TRPC4: variants seen among roughly 807,000 people sequenced by gnomAD.
TRPC4 encodes transient receptor potential cation channel subfamily C member 4.
In TRPC4, 49 loss-of-function variants were observed where a neutral mutation model predicts 99.4. The observed-to-expected ratio is 0.49, with a 90% CI of 0.39 to 0.63. The LOEUF is 0.63. Ranked by LOEUF, TRPC4 falls within the 20% of genes least tolerant of loss-of-function variation. TRPC4 has a pLI of 0.00. For synonymous variants in TRPC4, 454 were observed against 425.9 expected, an observed-to-expected ratio of 1.07 and a Z score of -0.81; for missense variants, 898 against 1,152.9, an observed-to-expected ratio of 0.78 and a Z score of 3.20.
Position 37,637,606 on chromosome 13 carries a change from G to C in TRPC4, c.2231C>G (p.Ser744Cys), listed in dbSNP as rs1392188955. 1 of 1,591,008 alleles carries C rather than the reference G, an allele frequency of 6.3e-7. No homozygotes were observed. Among genetic ancestry groups the C allele is most frequent in the African/African-American group, 1.4e-5 (1 of 73,430 alleles). ...ENFKELKQDI[S>C]SFRFEVLGLL... ...TCCCAGGACTTCAAAGCGGAAACTA[G>C]AAATGTCTTGCTTTAGTTCCTACGT... The change falls in exon 11 of 11, where the codon TCT (serine) becomes TGT (cysteine). Residue 744 changes from serine (S) to cysteine (C), a missense_variant. This residue lies in a region of TRPC4 where 346 missense variants were observed against 351.4 expected (regional missense o/e 0.98). Transcript: ENST00000379705.
chr13:37,652,324 T>C lies in TRPC4; in HGVS notation c.1885-865A>G, dbSNP rs117413154. On this transcript the variant is annotated intron_variant, in intron 7 of 10. Coordinates refer to ENST00000379705, the MANE Select transcript of TRPC4 (RefSeq NM_016179.4). Reference sequence around the variant, plus strand: ...AGTTAATATCATAAACACGAACTCATATTTTAGAGTAGGAGAATAATCTTC... The same window carrying C: ...AGTTAATATCATAAACACGAACTCACATTTTAGAGTAGGAGAATAATCTTC... Among the ~76,000 whole-genome samples, 471 of 152,346 alleles carry C rather than the reference T, an allele frequency of 3.1e-3. 8 individuals are homozygous for C. Among genetic ancestry groups the C allele is most frequent in the Middle Eastern group, 0.014 (4 of 294 alleles).
At chr13:37,779,937 T>G (rs983475317) in intron 2 of TRPC4, among the ~76,000 whole-genome samples, 1 of 152,122 alleles carries the variant, frequency 6.6e-6, no homozygotes, top group Non-Finnish European at 1.5e-5. Flanking sequence ...ATGATTTAAC[T>G]TCATCATTTT....
intron 3 of TRPC4, among the ~76,000 whole-genome samples, chr13:37,703,716 C>T (rs993865066): frequency 1.3e-5 from 2 of 152,060 alleles, no homozygotes; most frequent in African/African-American, 4.8e-5. Flanking sequence ...GACACTTAAA[C>T]TTTCATACAT....
intron 1 of TRPC4, among the ~76,000 whole-genome samples, chr13:37,793,365 C>T (rs1046631098): frequency 2.6e-5 from 4 of 151,834 alleles, no homozygotes; most frequent in African/African-American, 7.3e-5. Flanking sequence ...ATACATGTGC[C>T]ATGTTGGTGT....
At chr13:37,653,104 C>T (rs1411539395) in intron 7 of TRPC4, among the ~76,000 whole-genome samples, 1 of 152,164 alleles carries the variant, frequency 6.6e-6, no homozygotes, top group Non-Finnish European at 1.5e-5. Flanking sequence ...CTCTTCCATA[C>T]TTTCATGACA....
intron 1 of TRPC4, among the ~76,000 whole-genome samples, chr13:37,827,068 C>T (rs1958249502): frequency 6.6e-6 from 1 of 152,128 alleles, no homozygotes; most frequent in South Asian, 2.1e-4. Context: ...ATCGCATCGG[C>T]TCCTGAGGCT....
chr13:37,725,987 G>A (rs1356150871), intron 3 of TRPC4, among the ~76,000 whole-genome samples: 1 of 152,042 alleles, frequency 6.6e-6, no homozygotes, highest in Non-Finnish European at 1.5e-5. Context: ...CACAAGGTCA[G>A]GAGTTGGAGA....
chr13:37,659,022 A>G (rs1387026594), intron 6 of TRPC4, among the ~76,000 whole-genome samples: 1 of 152,222 alleles, frequency 6.6e-6, no homozygotes, highest in Non-Finnish European at 1.5e-5. Flanking sequence ...ATTTGTATTT[A>G]TAATCCATCA....
intron 3 of TRPC4, among the ~76,000 whole-genome samples, chr13:37,708,598 T>A (rs1320061061): frequency 6.6e-6 from 1 of 151,554 alleles, no homozygotes; most frequent in Non-Finnish European, 1.5e-5. Flanking sequence ...CAATAGGGAA[T>A]GTTTTCATAT....
intron 1 of TRPC4, among the ~76,000 whole-genome samples, chr13:37,787,113 T>C (rs1348199761): frequency 2.0e-5 from 3 of 152,008 alleles, no homozygotes; most frequent in Non-Finnish European, 2.9e-5. Flanking sequence ...GAACAGTGAA[T>C]TTGAGTTCCA....
intron 3 of TRPC4, among the ~76,000 whole-genome samples, chr13:37,743,679 T>C (rs970103233): frequency 2.0e-5 from 3 of 152,136 alleles, no homozygotes; most frequent in South Asian, 2.1e-4. Flanking sequence ...TTAAGGAAAT[T>C]AATGCATGAC....
chr13:37,646,359 TA>T (rs1384271714), intron 8 of TRPC4, among the ~76,000 whole-genome samples: 4 of 152,072 alleles, frequency 2.6e-5, no homozygotes, highest in Non-Finnish European at 5.9e-5. Context: ...AAAGAACTAG[TA>T]TTTTTTTTTG....
At chr13:37,850,609 T>C (rs1183666877) in intron 1 of TRPC4, among the ~76,000 whole-genome samples, 2 of 152,208 alleles carry the variant, frequency 1.3e-5, no homozygotes, top group Non-Finnish European at 2.9e-5. Context: ...ACATTTTGAC[T>C]AAATGTTTCA....
intron 4 of TRPC4, among the ~76,000 whole-genome samples, chr13:37,686,493 CTA>C (rs1953486613): frequency 6.6e-6 from 1 of 151,894 alleles, no homozygotes; most frequent in Admixed American, 6.6e-5. Context: ...TTATTTGACT[CTA>C]TGAATATTTA....
chr13:37,783,153 T>A lies in TRPC4; in HGVS notation c.181A>T (p.Ile61Phe). 1 of 1,613,546 alleles carries A rather than the reference T, an allele frequency of 6.2e-7. No individual in the cohort carries two copies. Among genetic ancestry groups the A allele is most frequent in the Middle Eastern group, 1.7e-4 (1 of 6,050 alleles). The change falls in exon 2 of 11, where the codon ATC becomes TTC. Residue 61 changes from isoleucine (I) to phenylalanine (F), a missense_variant. This residue lies in a region of TRPC4 where 278 missense variants were observed against 346.6 expected (regional missense o/e 0.80). Coordinates refer to ENST00000379705, the MANE Select transcript of TRPC4 (RefSeq NM_016179.4). The stretch of plus-strand genomic sequence containing the variant: ...AGAGGATCAATGCAATTAATATTGA[T>A]TTTAAAATAAATTTCAGCTTCCTCT... ...SLEEAEIYFK[I>F]NINCIDPLGR...
intron 2 of TRPC4, among the ~76,000 whole-genome samples, chr13:37,759,440 C>T (rs1956170908): frequency 6.6e-6 from 1 of 151,722 alleles, no homozygotes; most frequent in Admixed American, 6.6e-5. Context: ...GGATACCATA[C>T]ATACATAAAG....
At chr13:37,800,234 C>T (rs909323629) in intron 1 of TRPC4, among the ~76,000 whole-genome samples, 2 of 152,046 alleles carry the variant, frequency 1.3e-5, no homozygotes, top group Non-Finnish European at 2.9e-5. Context: ...ACTATGTTGT[C>T]CAGGCTAGAG....
intron 2 of TRPC4, among the ~76,000 whole-genome samples, chr13:37,770,082 C>G (rs1284009744): frequency 6.6e-6 from 1 of 151,380 alleles, no homozygotes; most frequent in Non-Finnish European, 1.5e-5. Flanking sequence ...TTATATAAAA[C>G]AAACCTCAAA....
intron 1 of TRPC4, among the ~76,000 whole-genome samples, chr13:37,835,916 A>G (rs1593289347): frequency 6.6e-6 from 1 of 152,314 alleles, no homozygotes; most frequent in East Asian, 1.9e-4. Context: ...TTGTACTGAA[A>G]TGGTTTGGCT....
Sources: allele counts gnomAD v4.1 joint callset (sites outside exome capture counted in the v4.1 genomes callset), GRCh38; gene constraint gnomAD v4.1.1; regional missense constraint gnomAD v4.1.1; transcripts MANE v1.5; gene names NCBI Gene and HGNC (gene_info 2026-07-23, HGNC 2026-07-21).